Variants in THADA observed in about 807,000 individuals in gnomAD.
THADA encodes THADA armadillo repeat containing.
Under a neutral mutation model 219.8 loss-of-function variants are expected in THADA, and 213 were observed. The ratio of observed to expected loss-of-function variants is 0.97; its 90% CI spans 0.87 to 1.09. The LOEUF is 1.09. Among genes scored for constraint, THADA ranks in the 50% least tolerant of loss-of-function variants. THADA has a pLI of 0.00. For synonymous variants in THADA, 1,018 were observed against 828.9 expected, an observed-to-expected ratio of 1.23 and a Z score of -3.92; for missense variants, 2,956 against 2,311.3, an observed-to-expected ratio of 1.28 and a Z score of -5.72.
At chr2:43,539,448 GTAATGTAAATAACAC>G (rs938250570) in intron 21 of THADA, among the ~76,000 whole-genome samples, 17 of 152,326 alleles carry the variant, frequency 1.1e-4, no homozygotes, top group African/African-American at 3.1e-4. Flanking sequence ...GAATTCTCCA[GTAATGTAAATAACAC>G]TAATTTCTTG....
At chr2:43,399,328 G>A (rs1268702786) in intron 28 of THADA, among the ~76,000 whole-genome samples, 1 of 152,190 alleles carries the variant, frequency 6.6e-6, no homozygotes, top group African/African-American at 2.4e-5. Context: ...TGTTTACAAA[G>A]GAATTACTTG....
In THADA at chr2:43,355,452, C is replaced by T. The variant is rs150986613; in HGVS notation, c.4228-11215G>A. On this transcript the variant is annotated intron_variant, in intron 29 of 37. Coordinates refer to ENST00000405975, the MANE Select transcript of THADA (RefSeq NM_022065.5). ...TTAACAGAGGTAAGATAATTATAGG[C>T]TGCCTTTTCAACTTGTTTATTGTTT... 3.0e-3 allele frequency among the ~76,000 whole-genome samples: 450 copies of T among 152,226 alleles called. 2 individuals carry two copies. Among genetic ancestry groups the T allele is most frequent in the Non-Finnish European group, 3.1e-3 (210 of 68,022 alleles).
Position 43,574,893 on chromosome 2 carries a change from C to A in THADA, c.1172G>T (p.Arg391Ile). The A allele has an allele frequency of 4.3e-6, 7 of 1,613,998 alleles. No individual in the cohort carries two copies. Among genetic ancestry groups the A allele is most frequent in the Non-Finnish European group, 5.9e-6 (7 of 1,179,906 alleles). The change falls in exon 11 of 38, where the codon AGA (arginine) becomes ATA (isoleucine). Residue 391 changes from arginine to isoleucine, a missense_variant. By Grantham distance (97) the Arg-to-Ile change is moderately conservative (BLOSUM62 -3). Coordinates refer to ENST00000405975, the MANE Select transcript of THADA (RefSeq NM_022065.5). ...SLNGNSSIVG[R>I]LLEYVYTHWE... is the part of the protein sequence containing the mutation. ...ATGGGTATAGACATATTCCAAAAGT[C>A]TCCCAACTATACTTGAATTCCCATT...
rs777431445 is a variant in THADA at position 43,334,130 on chromosome 2, C to G, written c.4343+9992G>C. ...GCATATTTTCCTTAAACACTTAAAT[C>G]CACAGGCCCTTCAGGAGCACACCAC... is the stretch of plus-strand genomic sequence containing the variant. On this transcript the variant is annotated intron_variant, in intron 30 of 37. Coordinates refer to ENST00000405975, the MANE Select transcript of THADA (RefSeq NM_022065.5). 9.8e-4 allele frequency among the ~76,000 whole-genome samples: 149 copies of G among 152,174 alleles called. 2 individuals carry two copies. Among genetic ancestry groups the G allele is most frequent in the Non-Finnish European group, 1.9e-4 (13 of 68,038 alleles).
At chr2:43,233,071 GA>G (rs1667626784) in intron 36 of THADA, 189 bp from the exon 37 acceptor site, 1 of 624,930 alleles carries the variant, frequency 1.6e-6, no homozygotes, top group African/African-American at 1.8e-5. Flanking sequence ...TATACTGTTA[GA>G]ATGAGTCATA....
chr2:43,302,295 A>T (rs1049676797), intron 31 of THADA, among the ~76,000 whole-genome samples: 2 of 152,000 alleles, frequency 1.3e-5, no homozygotes, highest in African/African-American at 4.8e-5. Context: ...ACTTTTCCTA[A>T]GTTAGAGTGA....
chr2:43,400,478 A>ATAT lies in THADA; in HGVS notation c.4059-2340_4059-2339insATA, dbSNP rs10687373. Among the ~76,000 whole-genome samples the ATAT allele has an allele frequency of 4.5e-3, 531 of 116,976 alleles. 34 individuals carry two copies. The highest frequency in any genetic ancestry group is 0.015 in the South Asian group (61 of 4,046). The allele number at this position is 116,976 out of a possible 152,430, so 76.7% of individuals were successfully genotyped here. ...AAATTTATATATATATATATATATA[A>ATAT]ATATATACACTAAGAAAAAAAATTT... On this transcript the variant is annotated intron_variant, in intron 28 of 37. Coordinates refer to ENST00000405975, the MANE Select transcript of THADA (RefSeq NM_022065.5).
intron 26 of THADA, among the ~76,000 whole-genome samples, chr2:43,439,397 T>G (rs887093943): frequency 2.0e-5 from 3 of 152,164 alleles, no homozygotes; most frequent in Non-Finnish European, 4.4e-5. Context: ...AAATTATGAG[T>G]AGGGTGATGA....
At chr2:43,305,733 G>T (rs1558552939) in intron 31 of THADA, among the ~76,000 whole-genome samples, 1 of 152,070 alleles carries the variant, frequency 6.6e-6, no homozygotes, top group African/African-American at 2.4e-5. Flanking sequence ...CAGGCCCTGG[G>T]TGGGACCCAC....
chr2:43,244,972 C>T (rs1048427038), intron 36 of THADA, among the ~76,000 whole-genome samples: 7 of 152,224 alleles, frequency 4.6e-5, no homozygotes, highest in African/African-American at 1.7e-4. Flanking sequence ...CTTCCACAGA[C>T]TGGCAAGTGC....
chr2:43,485,958 C>T (rs1686869740), intron 25 of THADA, among the ~76,000 whole-genome samples: 1 of 151,856 alleles, frequency 6.6e-6, no homozygotes, highest in South Asian at 2.1e-4. Flanking sequence ...ATGGCACATG[C>T]CTATAGTCCC....
intron 14 of THADA, among the ~76,000 whole-genome samples, chr2:43,569,024 T>C (rs78136906): frequency 0.031 from 4,785 of 152,204 alleles, 246 homozygotes; most frequent in African/African-American, 0.11. Context: ...CAGGATGGAG[T>C]GCAGTGCTAC....
At chr2:43,433,486 G>A (rs1218275378) in intron 26 of THADA, among the ~76,000 whole-genome samples, 2 of 151,966 alleles carry the variant, frequency 1.3e-5, no homozygotes, top group Admixed American at 6.5e-5. Context: ...CCAAGATCAC[G>A]TCACTGCACT....
intron 26 of THADA, among the ~76,000 whole-genome samples, chr2:43,460,804 A>C (rs1683552011): frequency 6.6e-6 from 1 of 152,236 alleles, no homozygotes; most frequent in Non-Finnish European, 1.5e-5. Context: ...GGGAGAGCCC[A>C]CAGAGGAATG....
At chr2:43,559,626 A>C (rs929511285) in intron 16 of THADA, among the ~76,000 whole-genome samples, 5 of 152,158 alleles carry the variant, frequency 3.3e-5, no homozygotes, top group Non-Finnish European at 5.9e-5. Flanking sequence ...TCATCCCCAC[A>C]CAATGTGTTC....
At position 43,514,533 on chromosome 2, in the gene THADA, T is replaced by C. The variant is rs1033549198; in HGVS notation, c.3375-5753A>G. Reference sequence around the variant, plus strand: ...TATATATAATATATAATATACATAATATGTATATTTTATACACAATATAAA... The same window carrying C: ...TATATATAATATATAATATACATAACATGTATATTTTATACACAATATAAA... On this transcript the variant is annotated intron_variant, in intron 22 of 37. Transcript: ENST00000405975. 5.2e-5 allele frequency among the ~76,000 whole-genome samples: 7 copies of C among 134,412 alleles called. No homozygotes were observed. In the East Asian group the frequency reaches 1.2e-3, roughly 24 times the overall value. 88.2% of individuals were successfully genotyped at this position (134,412 alleles called of 152,430 possible).
intron 26 of THADA, among the ~76,000 whole-genome samples, chr2:43,442,418 C>T (rs969534839): frequency 6.6e-6 from 1 of 151,716 alleles, no homozygotes; most frequent in Non-Finnish European, 1.5e-5. Context: ...CCTGGGTGAG[C>T]GACAGAGGGA....
chr2:43,578,802 T>A (rs1412626744), intron 8 of THADA, among the ~76,000 whole-genome samples, 195 bp from the exon 9 acceptor site: 1 of 152,208 alleles, frequency 6.6e-6, no homozygotes, highest in Non-Finnish European at 1.5e-5. Context: ...GGATAACTCT[T>A]AACTGAGGCA....
chr2:43,356,837 C>G (rs188251388), intron 29 of THADA, among the ~76,000 whole-genome samples: 6 of 152,156 alleles, frequency 3.9e-5, no homozygotes, highest in Non-Finnish European at 8.8e-5. Flanking sequence ...ATGTATGTGC[C>G]TACTGGATAC....
Sources: allele counts gnomAD v4.1 joint callset (sites outside exome capture counted in the v4.1 genomes callset), GRCh38; gene constraint gnomAD v4.1.1; transcripts MANE v1.5; gene names NCBI Gene and HGNC (gene_info 2026-07-23, HGNC 2026-07-21).